The following MEIKIN variants were observed in gnomAD, a reference collection of about 807,000 sequenced individuals.
MEIKIN encodes meiotic kinetochore factor.
chr5:131,835,546 T>C (rs780993931), intron 11 of MEIKIN, among the ~76,000 whole-genome samples: 2 of 152,184 alleles, frequency 1.3e-5, no homozygotes, highest in Non-Finnish European at 2.9e-5. Flanking sequence ...TTTTTCTATA[T>C]GGTGTACTTC....
At chr5:131,940,869 C>T (rs981384411) in intron 4 of MEIKIN, among the ~76,000 whole-genome samples, 2 of 152,126 alleles carry the variant, frequency 1.3e-5, no homozygotes, top group African/African-American at 4.8e-5. Context: ...TTGACTACAT[C>T]TTTTACTTTT....
chr5:131,889,858 T>C (rs1750875577), intron 8 of MEIKIN, among the ~76,000 whole-genome samples: 1 of 152,192 alleles, frequency 6.6e-6, no homozygotes, highest in Non-Finnish European at 1.5e-5. Context: ...TTGTCATAGA[T>C]AGCTTTTATT....
chr5:131,862,913 G>C (rs761672307), intron 9 of MEIKIN, among the ~76,000 whole-genome samples: 1 of 152,162 alleles, frequency 6.6e-6, no homozygotes, highest in South Asian at 2.1e-4. Context: ...TGCCCAGGCT[G>C]GTCTCAAACT....
intron 11 of MEIKIN, among the ~76,000 whole-genome samples, chr5:131,835,480 G>C: frequency 6.6e-6 from 1 of 152,008 alleles, no homozygotes; most frequent in Non-Finnish European, 1.5e-5. Flanking sequence ...TTTGTTTCAG[G>C]AGTTTTATTA....
chr5:131,891,066 A>C (rs1750905584), intron 8 of MEIKIN, among the ~76,000 whole-genome samples: 1 of 152,198 alleles, frequency 6.6e-6, no homozygotes, highest in African/African-American at 2.4e-5. Context: ...GTTTGATTGC[A>C]CTGTGGTCTG....
At chr5:131,818,056 G>A (rs1773134581) in intron 12 of MEIKIN, among the ~76,000 whole-genome samples, 1 of 152,196 alleles carries the variant, frequency 6.6e-6, no homozygotes, top group South Asian at 2.1e-4. Flanking sequence ...TCTACCACTT[G>A]AAGAAGTATG....
chr5:131,914,541 A>G (rs1751382535), intron 7 of MEIKIN, among the ~76,000 whole-genome samples: 1 of 116,842 alleles, frequency 8.6e-6, no homozygotes, highest in Non-Finnish European at 1.8e-5. Context: ...AGGGGAGGGG[A>G]AGGGGAAGGG....
At chr5:131,845,469 T>A (rs1239019454) in intron 11 of MEIKIN, among the ~76,000 whole-genome samples, 1 of 151,250 alleles carries the variant, frequency 6.6e-6, no homozygotes, top group African/African-American at 2.4e-5. Context: ...AAAAAGGAAC[T>A]GATGATAAAT....
intron 8 of MEIKIN, among the ~76,000 whole-genome samples, chr5:131,881,894 A>G (rs1039491190): frequency 1.3e-5 from 2 of 152,186 alleles, no homozygotes; most frequent in African/African-American, 4.8e-5. Flanking sequence ...TATAGTATAT[A>G]CATGTGTGTT....
intron 5 of MEIKIN, among the ~76,000 whole-genome samples, chr5:131,923,112 TCCTGA>T (rs1382831646): frequency 1.3e-5 from 2 of 152,216 alleles, no homozygotes; most frequent in Non-Finnish European, 2.9e-5. Context: ...TGTCTCAAAC[TCCTGA>T]CCTCAAGCAA....
At chr5:131,851,061 C>T (rs1189633443) in intron 11 of MEIKIN, among the ~76,000 whole-genome samples, 1 of 152,150 alleles carries the variant, frequency 6.6e-6, no homozygotes, top group Non-Finnish European at 1.5e-5. Context: ...AATAGACAAA[C>T]TGTACTTCAT....
intron 11 of MEIKIN, among the ~76,000 whole-genome samples, chr5:131,840,943 T>C (rs1415460003): frequency 6.6e-6 from 1 of 152,182 alleles, no homozygotes; most frequent in Non-Finnish European, 1.5e-5. Context: ...GATACATCAG[T>C]TTTCATGCGC....
At chr5:131,918,923 T>C (rs1194752328) in intron 6 of MEIKIN, among the ~76,000 whole-genome samples, 1 of 152,114 alleles carries the variant, frequency 6.6e-6, no homozygotes, top group East Asian at 1.9e-4. Flanking sequence ...ATGATCTTGA[T>C]GATATTAGAG....
intron 11 of MEIKIN, among the ~76,000 whole-genome samples, chr5:131,848,658 C>T (rs1472360839): frequency 6.6e-6 from 1 of 152,184 alleles, no homozygotes; most frequent in Non-Finnish European, 1.5e-5. Flanking sequence ...TGATTTGTAA[C>T]TCATTCTATG....
chr5:131,832,093 C>G (rs1297986029), intron 11 of MEIKIN, among the ~76,000 whole-genome samples: 1 of 152,028 alleles, frequency 6.6e-6, no homozygotes, highest in Non-Finnish European at 1.5e-5. Context: ...TCATTTCAGC[C>G]AAAAGTCCAC....
Position 131,900,555 on chromosome 5 carries a change from T to A in MEIKIN, c.703+11260A>T, listed in dbSNP as rs145037989. ...TCGGAGGGTTTGGTGTTGGAGCATG[T>A]GCAGTGGAGCATAGCCAAGGACGCC... On this transcript the variant is annotated intron_variant, in intron 8 of 12. Transcript: ENST00000442687. 8.3e-3 allele frequency among the ~76,000 whole-genome samples: 1,042 copies of A among 125,298 alleles called. 12 individuals are homozygous for A. Among genetic ancestry groups the A allele is most frequent in the African/African-American group, 0.029 (987 of 33,666 alleles). 82.2% of individuals were successfully genotyped at this position (125,298 alleles called of 152,430 possible). A position where few individuals can be genotyped will look rare whatever the true frequency, so the allele number is the denominator to read the frequency against.
At chr5:131,846,891 GAAGTA>G (rs2149613475) in intron 11 of MEIKIN, among the ~76,000 whole-genome samples, 1 of 67,694 alleles carries the variant, frequency 1.5e-5, no homozygotes, top group Admixed American at 1.4e-4. Flanking sequence ...TGAAAGGGGT[GAAGTA>G]AAGGGGCAAA....
At chr5:131,812,869 C>T (rs1023885104) in intron 12 of MEIKIN, among the ~76,000 whole-genome samples, 7 of 152,216 alleles carry the variant, frequency 4.6e-5, no homozygotes, top group African/African-American at 1.2e-4. Context: ...CTTCCATCCT[C>T]AGTGGAAAAC....
chr5:131,817,502 G>C, intron 12 of MEIKIN, among the ~76,000 whole-genome samples: 1 of 151,802 alleles, frequency 6.6e-6, no homozygotes, highest in South Asian at 2.1e-4. Flanking sequence ...TGTAGTCCCA[G>C]CTACTCGGGA....
Sources: gnomAD v4.1 joint callset for allele counts (sites outside exome capture counted in the v4.1 genomes callset) on GRCh38, gnomAD v4.1.1 for gene constraint, MANE v1.5 for transcripts, NCBI Gene and HGNC (gene_info 2026-07-23, HGNC 2026-07-21) for gene names.